NCKAP5: variants seen among roughly 807,000 people sequenced by gnomAD.
NCKAP5 encodes NCK associated protein 5.
In NCKAP5, 92 loss-of-function variants were observed where a neutral mutation model predicts 167.0. The ratio of observed to expected loss-of-function variants is 0.55; its 90% CI spans 0.47 to 0.66. NCKAP5 has a LOEUF of 0.66. Among genes scored for constraint, NCKAP5 ranks in the 30% least tolerant of loss-of-function variants. The pLI, the probability that NCKAP5 is intolerant of heterozygous loss-of-function variation, is 0.00. For synonymous variants in NCKAP5, 891 were observed against 877.4 expected (o/e 1.02, Z -0.27); for missense variants, 2,378 against 2,315.0 (o/e 1.03, Z -0.56).
At chr2:133,407,547 C>T (rs1437277780) in intron 3 of NCKAP5, among the ~76,000 whole-genome samples, 5 of 152,152 alleles carry the variant, frequency 3.3e-5, no homozygotes, top group Non-Finnish European at 5.9e-5. Flanking sequence ...GTGGTGCAGG[C>T]GCTGTGCCGG....
chr2:133,127,526 T>A (rs1015558994), intron 6 of NCKAP5, among the ~76,000 whole-genome samples: 1 of 152,236 alleles, frequency 6.6e-6, no homozygotes, highest in Admixed American at 6.5e-5. Flanking sequence ...GCCTAGGATG[T>A]AGTCTTGGCT....
intron 17 of NCKAP5, among the ~76,000 whole-genome samples, chr2:132,729,196 C>T (rs1454247369): frequency 1.3e-5 from 2 of 152,196 alleles, no homozygotes; most frequent in African/African-American, 4.8e-5. Context: ...GACTACTTTT[C>T]TACAAAATGT....
At chr2:132,846,022 A>G (rs1005707687) in intron 11 of NCKAP5, among the ~76,000 whole-genome samples, 1 of 151,920 alleles carries the variant, frequency 6.6e-6, no homozygotes, top group Admixed American at 6.6e-5. Flanking sequence ...TGTAGTTCAT[A>G]TTTTTTATTT....
At chr2:133,601,153 T>C in the NCKAP5 span, among the ~76,000 whole-genome samples, 1 of 152,208 alleles carries the variant, frequency 6.6e-6, no homozygotes, top group Non-Finnish European at 1.5e-5. Flanking sequence ...GTGTGGTTCA[T>C]GCAGGCTAAA....
At chr2:133,083,784 C>A (rs544993946) in intron 6 of NCKAP5, among the ~76,000 whole-genome samples, 2 of 152,246 alleles carry the variant, frequency 1.3e-5, no homozygotes, top group African/African-American at 2.4e-5. Context: ...CACTGAGTCA[C>A]CGCAATCTAA....
chr2:133,651,863 C>A, the NCKAP5 span, among the ~76,000 whole-genome samples: 3 of 152,170 alleles, frequency 2.0e-5, no homozygotes, highest in Non-Finnish European at 4.4e-5. Flanking sequence ...CATAGATGAA[C>A]CTTGAGGACA....
chr2:133,350,682 G>A (rs878931683), intron 3 of NCKAP5, among the ~76,000 whole-genome samples: 1 of 152,016 alleles, frequency 6.6e-6, no homozygotes, highest in Admixed American at 6.6e-5. Flanking sequence ...TCATCCCACA[G>A]TGAGCTCTGG....
chr2:132,922,090 C>T (rs534802467), intron 8 of NCKAP5, among the ~76,000 whole-genome samples: 14 of 152,284 alleles, frequency 9.2e-5, no homozygotes, highest in African/African-American at 2.6e-4. Flanking sequence ...TCTGATGACA[C>T]CACCTGGGTT....
At chr2:133,426,615 C>T (rs1167852872) in intron 3 of NCKAP5, among the ~76,000 whole-genome samples, 1 of 152,134 alleles carries the variant, frequency 6.6e-6, no homozygotes. Flanking sequence ...TTCAACAACA[C>T]ATCAAAAAGA....
intron 5 of NCKAP5, among the ~76,000 whole-genome samples, chr2:133,153,833 CTTTTTTTT>C (rs570596198): frequency 9.1e-6 from 1 of 109,754 alleles, no homozygotes; most frequent in East Asian, 2.7e-4. Context: ...GTTCCTCCTT[CTTTTTTTT>C]TTTTTTTTTT....
In NCKAP5 at chr2:132,790,167, A is replaced by G; in HGVS notation, c.948T>C (p.Pro316=). 6.2e-7 allele frequency: 1 copy of G among 1,613,566 alleles called. No homozygotes were observed. The highest frequency in any genetic ancestry group is 8.5e-7 in the Non-Finnish European group (1 of 1,179,772). ...QLNTKSALKC[P]GLGAVIPGHL... is the part of the protein sequence containing the mutation. ...GACCAGGGATGACAGCCCCCAAGCC[A>G]GGGCATTTCAAGGCCGATTTTGTAT... Residue 316 remains proline, a synonymous_variant, in exon 13 of 20, where the codon CCT becomes CCC. Transcript: ENST00000409261.
chr2:133,463,243 G>C (rs958761712), intron 3 of NCKAP5, among the ~76,000 whole-genome samples: 1 of 152,134 alleles, frequency 6.6e-6, no homozygotes, highest in Non-Finnish European at 1.5e-5. Context: ...TACAAATCAG[G>C]TTTTAACTTT....
At chr2:133,090,006 T>G (rs966076736) in intron 6 of NCKAP5, among the ~76,000 whole-genome samples, 2 of 152,076 alleles carry the variant, frequency 1.3e-5, no homozygotes, top group African/African-American at 4.8e-5. Flanking sequence ...CTTGCTACCA[T>G]GTTCTCACAA....
chr2:133,119,444 A>T (rs2082185643), intron 6 of NCKAP5, among the ~76,000 whole-genome samples: 1 of 152,210 alleles, frequency 6.6e-6, no homozygotes, highest in African/African-American at 2.4e-5. Context: ...AGAAAGGATG[A>T]ATTCTGCATG....
chr2:133,319,185 A>T (rs1219104592), intron 3 of NCKAP5, among the ~76,000 whole-genome samples: 1 of 138,644 alleles, frequency 7.2e-6, no homozygotes, highest in African/African-American at 2.7e-5. Flanking sequence ...CATTTTCAAG[A>T]TAAATCATTT....
chr2:133,104,879 T>C (rs1222403255), intron 6 of NCKAP5, among the ~76,000 whole-genome samples: 1 of 152,254 alleles, frequency 6.6e-6, no homozygotes, highest in Non-Finnish European at 1.5e-5. Context: ...ACTCACTCAC[T>C]TGTTCATTAA....
At position 133,308,825 on chromosome 2, in the gene NCKAP5, C is replaced by T. The variant is rs1264065896; in HGVS notation, c.70-5715G>A. On this transcript the variant is annotated intron_variant, in intron 3 of 19. Transcript: ENST00000409261. ...TCCCGGGTTCACGCCATTCTCCTGC[C>T]TCAGCCTCCCGAGTAGCTGGGATTA... 3.4e-4 allele frequency among the ~76,000 whole-genome samples: 51 copies of T among 148,808 alleles called. 1 individual carries two copies. Among genetic ancestry groups the T allele is most frequent in the Admixed American group, 3.4e-3 (51 of 14,894 alleles).
At chr2:133,495,324 T>G (rs1375785174) in intron 3 of NCKAP5, among the ~76,000 whole-genome samples, 3 of 152,150 alleles carry the variant, frequency 2.0e-5, no homozygotes, top group Non-Finnish European at 2.9e-5. Context: ...GTAAATATTT[T>G]ACAGAGTTTG....
At chr2:133,283,449 T>G (rs1441078480) in intron 4 of NCKAP5, among the ~76,000 whole-genome samples, 1 of 152,178 alleles carries the variant, frequency 6.6e-6, no homozygotes, top group East Asian at 1.9e-4. Context: ...TTCTATAATT[T>G]TATGTTTATG....
Sources: allele counts gnomAD v4.1 joint callset (sites outside exome capture counted in the v4.1 genomes callset), GRCh38; gene constraint gnomAD v4.1.1; transcripts MANE v1.5; gene names NCBI Gene and HGNC (gene_info 2026-07-23, HGNC 2026-07-21).